Variants in MAP2K5 observed in about 807,000 individuals in gnomAD.
The protein encoded by MAP2K5 is dual specificity mitogen-activated protein kinase kinase 5.
A neutral mutation model predicts 83.1 loss-of-function variants in MAP2K5; 49 were observed. The ratio of observed to expected loss-of-function variants is 0.59; its 90% CI spans 0.47 to 0.75. MAP2K5 has a LOEUF of 0.75. MAP2K5 is among the 30% of genes least tolerant of loss of function. The pLI is 0.00. For synonymous variants in MAP2K5, 202 were observed against 191.8 expected (o/e 1.05, Z -0.44); for missense variants, 457 against 557.5 (o/e 0.82, Z 1.82).
intron 8 of MAP2K5, among the ~76,000 whole-genome samples, chr15:67,624,736 TCTC>T (rs1337289924): frequency 3.3e-5 from 5 of 151,886 alleles, no homozygotes; most frequent in Non-Finnish European, 7.4e-5. Flanking sequence ...TTCAAGCAAT[TCTC>T]CTGCCTCAGC....
chr15:67,803,110 G>A (rs1277047597), intron 21 of MAP2K5, among the ~76,000 whole-genome samples: 4 of 152,256 alleles, frequency 2.6e-5, no homozygotes, highest in Non-Finnish European at 4.4e-5. Context: ...ATGGGAGCCA[G>A]TGGGCACATC....
In MAP2K5 at chr15:67,698,216, G is replaced by C. The variant is rs373602493; in HGVS notation, c.972+4648G>C. Among the ~76,000 whole-genome samples the C allele has an allele frequency of 6.6e-6, 1 of 151,570 alleles. No homozygotes were observed. The highest frequency in any genetic ancestry group is 1.5e-5 in the Non-Finnish European group (1 of 67,926). On this transcript the variant is annotated intron_variant, in intron 15 of 21. Transcript: ENST00000178640. This position sits in a 1 kb window ranked among gnomAD's most constrained non-coding sequence, Gnocchi z 4.5. The stretch of plus-strand genomic sequence containing the variant: ...TTTATTTTTTTTTTCTTGAGATGAA[G>C]TCTCACCCTGTCCCCCAGGCTGGAG...
chr15:67,672,838 A>G (rs2087578158), intron 13 of MAP2K5, among the ~76,000 whole-genome samples: 1 of 151,010 alleles, frequency 6.6e-6, no homozygotes, highest in South Asian at 2.1e-4. Context: ...TAATTTTTGT[A>G]TAAGGTGTAA....
chr15:67,566,411 AG>A (rs1249043033), intron 3 of MAP2K5, among the ~76,000 whole-genome samples: 1 of 152,066 alleles, frequency 6.6e-6, no homozygotes, highest in African/African-American at 2.4e-5. Flanking sequence ...CCTGATCTCA[AG>A]TGATCCGCAC....
intron 12 of MAP2K5, among the ~76,000 whole-genome samples, chr15:67,661,151 T>G (rs1261936090): frequency 6.7e-6 from 1 of 149,446 alleles, no homozygotes; most frequent in Non-Finnish European, 1.5e-5. Context: ...GGCAAGAGAG[T>G]TTTTTTTTTC....
chr15:67,774,155 T>G lies in MAP2K5; in HGVS notation c.1242+1403T>G, dbSNP rs2090193767. On this transcript the variant is annotated intron_variant, in intron 21 of 21. Transcript: ENST00000178640. This position sits in a 1 kb window ranked among gnomAD's most constrained non-coding sequence, Gnocchi z 4.9. ...GTACTTTCAGTGCCTTGAAAGCAAG[T>G]GATGTGTGTGTATGTGTGTGTGTGT... Among the ~76,000 whole-genome samples the G allele has an allele frequency of 9.1e-6, 1 of 110,458 alleles. No individual in the cohort carries two copies. Among genetic ancestry groups the G allele is most frequent in the African/African-American group, 3.4e-5 (1 of 29,666 alleles). The allele number at this position is 110,458 out of a possible 152,430, so 72.5% of individuals were successfully genotyped here.
intron 3 of MAP2K5, among the ~76,000 whole-genome samples, chr15:67,575,367 C>T (rs372451823): frequency 5.9e-5 from 6 of 101,022 alleles, no homozygotes; most frequent in African/African-American, 2.3e-4. Flanking sequence ...ATGGAGGTGG[C>T]GGGGCGGGGG....
At chr15:67,571,840 A>G (rs1224637433) in intron 3 of MAP2K5, among the ~76,000 whole-genome samples, 1 of 152,032 alleles carries the variant, frequency 6.6e-6, no homozygotes. Flanking sequence ...TCAGTTTTTC[A>G]TGCAGCAAAT....
intron 13 of MAP2K5, among the ~76,000 whole-genome samples, chr15:67,683,594 A>G (rs1596788639): frequency 6.6e-6 from 1 of 151,956 alleles, no homozygotes; most frequent in Non-Finnish European, 1.5e-5. Context: ...AAACCCCATC[A>G]CTACTAAAAG....
intron 8 of MAP2K5, among the ~76,000 whole-genome samples, chr15:67,626,280 T>A (rs2086318875): frequency 1.3e-5 from 2 of 152,272 alleles, no homozygotes; most frequent in South Asian, 4.1e-4. Flanking sequence ...CTCAGCAGTT[T>A]GGGAGGCCGA....
chr15:67,582,943 T>C (rs1212990204), intron 4 of MAP2K5, among the ~76,000 whole-genome samples: 1 of 152,196 alleles, frequency 6.6e-6, no homozygotes, highest in African/African-American at 2.4e-5. Context: ...TTGTTTTCTT[T>C]CCTTTTGTGA....
At chr15:67,707,784 T>C (rs7162411) in intron 16 of MAP2K5, among the ~76,000 whole-genome samples, 2,845 of 152,294 alleles carry the variant, frequency 0.019, 107 homozygotes, top group African/African-American at 0.066. Flanking sequence ...ATAGAGGATC[T>C]CTTCCCCATT....
intron 12 of MAP2K5, 84 bp downstream of exon 12, chr15:67,658,698 T>G: frequency 8.2e-7 from 1 of 1,218,728 alleles, no homozygotes; most frequent in Non-Finnish European, 1.2e-6. Flanking sequence ...CTCAATGTTT[T>G]TTCTTGTTCT....
In MAP2K5 at chr15:67,642,381, G is replaced by A. The variant is rs143741263; in HGVS notation, c.586-3850G>A. 1.8e-4 allele frequency: 276 copies of A among 1,564,724 alleles called. No homozygotes were observed. The African/African-American group carries it at 2.6e-3, about 15-fold the overall frequency. On this transcript the variant is annotated intron_variant, in intron 9 of 21. Coordinates refer to ENST00000178640, the MANE Select transcript of MAP2K5 (RefSeq NM_145160.3). ...GACTCAGCCCTTGCCCTTGAGAGGC[G>A]CATAGCCACTCTAATCTTGAGGCTT...
intron 16 of MAP2K5, among the ~76,000 whole-genome samples, chr15:67,710,562 G>A (rs1165180383): frequency 6.8e-6 from 1 of 147,082 alleles, no homozygotes; most frequent in African/African-American, 2.5e-5. Context: ...GGAGTGCAGT[G>A]GCACAGTCTT....
intron 17 of MAP2K5, among the ~76,000 whole-genome samples, chr15:67,729,315 T>C (rs962071964): frequency 6.6e-6 from 1 of 152,226 alleles, no homozygotes; most frequent in African/African-American, 2.4e-5. Flanking sequence ...GAAAGTGAAC[T>C]CACAAGCCCT....
chr15:67,795,102 G>A (rs2090582916), intron 21 of MAP2K5, among the ~76,000 whole-genome samples: 1 of 152,050 alleles, frequency 6.6e-6, no homozygotes, highest in African/African-American at 2.4e-5. Context: ...TCAAATGTTG[G>A]CTTCATATCA....
chr15:67,696,155 T>C (rs2088250875), intron 15 of MAP2K5, among the ~76,000 whole-genome samples: 1 of 147,576 alleles, frequency 6.8e-6, no homozygotes, highest in Admixed American at 6.8e-5. Flanking sequence ...TAACCACAAC[T>C]AGTTCTCATT....
intron 2 of MAP2K5, among the ~76,000 whole-genome samples, chr15:67,556,058 T>G (rs1596553261): frequency 6.6e-6 from 1 of 152,356 alleles, no homozygotes; most frequent in East Asian, 1.9e-4. Flanking sequence ...AATGCTAGGA[T>G]TACAGGCATG....
Sources: allele counts gnomAD v4.1 joint callset (sites outside exome capture counted in the v4.1 genomes callset), GRCh38; gene constraint gnomAD v4.1.1; non-coding constraint Gnocchi (gnomAD v3.1); transcripts MANE v1.5; gene names NCBI Gene and HGNC (gene_info 2026-07-23, HGNC 2026-07-21).